DYRK1A: variants seen among roughly 807,000 people sequenced by gnomAD.
DYRK1A encodes dual specificity tyrosine-phosphorylation-regulated kinase 1A.
A neutral mutation model predicts 79.7 loss-of-function variants in DYRK1A; 9 were observed. That is an observed-to-expected ratio of 0.11 (90% CI 0.07 to 0.20). The LOEUF (loss-of-function observed/expected upper bound fraction) is 0.20, where lower values mean the gene tolerates loss of function less well. DYRK1A is among the 10% of genes least tolerant of loss of function. The pLI is 1.00. For missense variants in DYRK1A, 622 were observed against 956.0 expected, an observed-to-expected ratio of 0.65 and a Z score of 4.61; for synonymous variants, 349 against 329.7, an observed-to-expected ratio of 1.06 and a Z score of -0.63.
intron 1 of DYRK1A, among the ~76,000 whole-genome samples, chr21:37,396,272 A>G (rs1489548433): frequency 1.3e-5 from 2 of 152,066 alleles, no homozygotes; most frequent in African/African-American, 2.4e-5. Context: ...TAGGGTTTCT[A>G]ATATATTACC....
chr21:37,368,164 G>T (rs946027280), intron 1 of DYRK1A: 1 of 152,476 alleles, frequency 6.6e-6, no homozygotes, highest in African/African-American at 2.4e-5. Flanking sequence ...GGCCCTGGGG[G>T]TCCGCGCTGG....
chr21:37,384,895 G>A, intron 1 of DYRK1A, among the ~76,000 whole-genome samples: 1 of 152,098 alleles, frequency 6.6e-6, no homozygotes, highest in East Asian at 1.9e-4. Flanking sequence ...TAGAAGGAAA[G>A]ATTAGTGAAC....
At chr21:37,493,776 G>GT (rs1351622286) in intron 8 of DYRK1A, among the ~76,000 whole-genome samples, 3 of 151,918 alleles carry the variant, frequency 2.0e-5, no homozygotes, top group Non-Finnish European at 4.4e-5. Flanking sequence ...GGTTTTGTTT[G>GT]TTTTTTAAAA....
rs1168635770 is a variant in DYRK1A, at chr21:37,367,314, G to C, written c.-391G>C. ...GAAGAAGCCGCCGGCAGCAGCCGCC[G>C]CTCGGCGCCCGGCCTCGCCGACGCC... On this transcript the variant is annotated 5_prime_UTR_variant, in exon 1 of 12. Transcript: ENST00000647188. 2.7e-5 allele frequency: 4 copies of C among 149,072 alleles called. No homozygotes were observed. The highest frequency in any genetic ancestry group is 6.0e-5 in the Non-Finnish European group (4 of 67,032). The allele number at this position is 149,072 out of a possible 1,614,324, so 9.2% of individuals were successfully genotyped here.
chr21:37,417,547 T>TTTCTTTTTC, intron 1 of DYRK1A, among the ~76,000 whole-genome samples: 1 of 71,332 alleles, frequency 1.4e-5, no homozygotes, highest in East Asian at 3.9e-4. Context: ...TTTTTTTTTT[T>TTTCTTTTTC]TTTTTTTACA....
chr21:37,429,777 T>C (rs1012658184), intron 2 of DYRK1A, among the ~76,000 whole-genome samples: 4 of 152,260 alleles, frequency 2.6e-5, no homozygotes, highest in African/African-American at 4.8e-5. Flanking sequence ...TTTACATGCT[T>C]ATGTTAATAA....
At chr21:37,508,378 C>A (rs2053656372) in intron 11 of DYRK1A, among the ~76,000 whole-genome samples, 1 of 152,200 alleles carries the variant, frequency 6.6e-6, no homozygotes, top group Admixed American at 6.5e-5. Flanking sequence ...ACTTCCGCCT[C>A]CCTGGTTCAA....
chr21:37,474,881 G>C (rs2052344878), intron 3 of DYRK1A, among the ~76,000 whole-genome samples: 1 of 152,138 alleles, frequency 6.6e-6, no homozygotes, highest in Admixed American at 6.5e-5. Flanking sequence ...CTGGATATGT[G>C]TTATAGATGC....
intron 4 of DYRK1A, among the ~76,000 whole-genome samples, chr21:37,479,708 A>C (rs1601226815): frequency 7.3e-6 from 1 of 137,404 alleles, no homozygotes; most frequent in Non-Finnish European, 1.5e-5. Context: ...GCTCACCGCA[A>C]CCTCCGCCTC....
intron 2 of DYRK1A, among the ~76,000 whole-genome samples, chr21:37,422,816 A>T (rs1480910101): frequency 2.6e-5 from 4 of 152,066 alleles, no homozygotes; most frequent in African/African-American, 9.7e-5. Flanking sequence ...GTGGGAGGAG[A>T]GAAAAAAATA....
intron 5 of DYRK1A, among the ~76,000 whole-genome samples, chr21:37,485,128 T>C (rs1421582911): frequency 6.6e-6 from 1 of 151,504 alleles, no homozygotes; most frequent in Non-Finnish European, 1.5e-5. Context: ...GGCATTGATG[T>C]AAAAGAAAAA....
chr21:37,403,521 A>T lies in DYRK1A; in HGVS notation c.-76-16778A>T, dbSNP rs549273919. 1.2e-4 allele frequency among the ~76,000 whole-genome samples: 18 copies of T among 152,068 alleles called. No homozygotes were observed. The South Asian group carries it at 3.7e-3, about 32-fold the overall frequency. On this transcript the variant is annotated intron_variant, in intron 1 of 11. Coordinates refer to ENST00000647188, the MANE Select transcript of DYRK1A (RefSeq NM_001347721.2). ...CTGGAGTGCAGTGGTGCAGTGGTGC[A>T]GTGGTGCAGTCATAGTTCACTGCTA...
At chr21:37,404,111 A>T (rs886255903) in intron 1 of DYRK1A, among the ~76,000 whole-genome samples, 1 of 152,120 alleles carries the variant, frequency 6.6e-6, no homozygotes, top group Non-Finnish European at 1.5e-5. Context: ...TTCTCCAGAG[A>T]CACAGAACCA....
At chr21:37,485,022 CCAATACTT>C (rs2052804709) in intron 5 of DYRK1A, among the ~76,000 whole-genome samples, 1 of 152,246 alleles carries the variant, frequency 6.6e-6, no homozygotes, top group Admixed American at 6.5e-5. Flanking sequence ...ATTTCCGTAG[CCAATACTT>C]ACCAATCCTG....
At chr21:37,378,176 A>G (rs533018735) in intron 1 of DYRK1A, among the ~76,000 whole-genome samples, 3 of 152,350 alleles carry the variant, frequency 2.0e-5, no homozygotes, top group African/African-American at 4.8e-5. Flanking sequence ...AAGTTGTACT[A>G]TAAGATTTTT....
chr21:37,412,008 T>C (rs2148415473), intron 1 of DYRK1A, among the ~76,000 whole-genome samples: 1 of 152,324 alleles, frequency 6.6e-6, no homozygotes, highest in African/African-American at 2.4e-5. Context: ...GATCTAGTGG[T>C]ACTTTTCACC....
chr21:37,486,494 C>G lies in DYRK1A; in HGVS notation c.517C>G (p.Gln173Glu), dbSNP rs1490461709. The change falls in exon 6 of 12, where the codon CAA becomes GAA. Residue 173 changes from glutamine to glutamate, a missense_variant. Transcript: ENST00000647188. ...QVVKAYDRVE[Q>E]EWVAIKIIKN... ...TGTAAAGGCATATGATCGTGTGGAG[C>G]AAGAATGGGTTGCCATTAAAATAAT... 1 of 1,581,178 alleles carries G rather than the reference C, an allele frequency of 6.3e-7. No individual in the cohort carries two copies. Among genetic ancestry groups the G allele is most frequent in the Admixed American group, 1.9e-5 (1 of 53,904 alleles).
intron 11 of DYRK1A, 131 bp downstream of exon 11, chr21:37,506,354 TGTAA>T (rs925184436): frequency 6.4e-7 from 1 of 1,566,910 alleles, no homozygotes; most frequent in African/African-American, 1.3e-5. Flanking sequence ...TCTAAGGAAA[TGTAA>T]GTATTTATCA....
At chr21:37,404,035 G>C (rs2050105813) in intron 1 of DYRK1A, among the ~76,000 whole-genome samples, 1 of 152,080 alleles carries the variant, frequency 6.6e-6, no homozygotes, top group African/African-American at 2.4e-5. Context: ...GTTTGGAGTA[G>C]GCTGTATGCT....
Sources: gnomAD v4.1 joint callset for allele counts (sites outside exome capture counted in the v4.1 genomes callset) on GRCh38, gnomAD v4.1.1 for gene constraint, MANE v1.5 for transcripts, NCBI Gene and HGNC (gene_info 2026-07-23, HGNC 2026-07-21) for gene names.